The following HEXA variants were observed in gnomAD, a reference collection of about 807,000 sequenced individuals.
HEXA encodes the protein hexosaminidase subunit alpha, also known as beta-hexosaminidase subunit alpha.
Under a neutral mutation model 73.3 loss-of-function variants are expected in HEXA, and 54 were observed. The observed-to-expected ratio is 0.74, with a 90% CI of 0.59 to 0.92. The LOEUF is 0.92. Among genes scored for constraint, HEXA ranks in the 40% least tolerant of loss-of-function variants. The pLI, the probability that HEXA is intolerant of heterozygous loss-of-function variation, is 0.00. For synonymous variants in HEXA, 230 were observed against 246.9 expected (o/e 0.93, Z 0.64); for missense variants, 649 against 653.0 (o/e 0.99, Z 0.07).
rs371231231 is a variant in HEXA, at chr15:72,356,360, A to G, written c.346+165T>C. On this transcript the variant is annotated intron_variant, in intron 2 of 13. Coordinates refer to ENST00000268097, the MANE Select transcript of HEXA (RefSeq NM_000520.6). The stretch of plus-strand genomic sequence containing the variant: ...CCTTTAGCACTGGTTAAGTTTCTGC[A>G]TAGGAAAAACTCATCTTCCATGGCT... Among the ~76,000 whole-genome samples, 182 of 152,318 alleles carry G rather than the reference A, an allele frequency of 1.2e-3. 1 individual carries two copies. The Middle Eastern group carries it at 0.014, about 11-fold the overall frequency.
At chr15:72,350,729 A>T (rs2088684197) in intron 6 of HEXA, 79 bp from the exon 7 acceptor site, 1 of 1,551,616 alleles carries the variant, frequency 6.4e-7, no homozygotes, top group Admixed American at 1.7e-5. Context: ...TGCCCACAAG[A>T]CTCCCCAGAT....
intron 1 of HEXA, among the ~76,000 whole-genome samples, chr15:72,372,761 G>C (rs1462981645): frequency 6.6e-6 from 1 of 152,172 alleles, no homozygotes. Flanking sequence ...CTCAATACCA[G>C]ACTTCTTTTT....
At chr15:72,344,441 A>G (rs893161838) in intron 13 of HEXA, among the ~76,000 whole-genome samples, 3 of 152,026 alleles carry the variant, frequency 2.0e-5, no homozygotes, top group African/African-American at 7.2e-5. Context: ...ACCCCAAATA[A>G]CTCAATCCCT....
In HEXA at chr15:72,347,697, T is replaced by C. The variant is rs776119987; in HGVS notation, c.1135A>G (p.Asn379Asp). Residue 379 changes from asparagine to aspartate, a missense_variant, in exon 10 of 14, where the codon AAT becomes GAT. Transcript: ENST00000268097. ...CTGCCCCGGCTCACCTTTACTTTAT[T>C]ATCAAACACCTCCTGCCACACCACA... ...GYVVWQEVFDNKVKIQPDTII... is the reference protein window; with the variant it reads ...GYVVWQEVFDDKVKIQPDTII... 3.7e-6 allele frequency: 6 copies of C among 1,614,128 alleles called. No individual in the cohort carries two copies. In the East Asian group the frequency reaches 1.3e-4, roughly 36 times the overall value.
chr15:72,352,200 C>T (rs536774046), intron 5 of HEXA, among the ~76,000 whole-genome samples: 50 of 152,250 alleles, frequency 3.3e-4, no homozygotes, highest in Admixed American at 1.5e-3. Context: ...TCGGGCAATC[C>T]ACCCGCCTTG....
intron 1 of HEXA, among the ~76,000 whole-genome samples, chr15:72,373,984 G>C (rs1334915462): frequency 1.4e-5 from 2 of 146,926 alleles, no homozygotes; most frequent in Non-Finnish European, 3.0e-5. Context: ...AGTGTAGGCT[G>C]AGTGATAAAG....
At chr15:72,351,257 T>G in intron 5 of HEXA, 23 bp from the exon 6 acceptor site, 1 of 1,474,056 alleles carries the variant, frequency 6.8e-7, no homozygotes, top group Non-Finnish European at 9.5e-7. Context: ...GTGCACACTG[T>G]GAACCCATCA....
chr15:72,363,640 AC>A (rs976456187), intron 1 of HEXA, among the ~76,000 whole-genome samples: 1 of 151,966 alleles, frequency 6.6e-6, no homozygotes, highest in African/African-American at 2.4e-5. Context: ...AAGATTCTTC[AC>A]CCTCCACAGA....
intron 5 of HEXA, among the ~76,000 whole-genome samples, chr15:72,351,993 G>A (rs1030075768): frequency 1.3e-5 from 2 of 151,858 alleles, no homozygotes; most frequent in Admixed American, 6.6e-5. Context: ...CAGGGTCTCT[G>A]TTGTCCAGGC....
At chr15:72,348,263 A>G (rs564415785) in intron 8 of HEXA, 129 bp from the exon 9 acceptor site, 1 of 727,496 alleles carries the variant, frequency 1.4e-6, no homozygotes, top group South Asian at 1.5e-5. Flanking sequence ...GGATCTCAGA[A>G]GCCCTACATG....
At chr15:72,353,257 C>G (rs2088726743) in intron 4 of HEXA, 79 bp from the exon 5 acceptor site, 1 of 862,380 alleles carries the variant, frequency 1.2e-6, no homozygotes, top group South Asian at 1.4e-5. Context: ...GACAACTCTC[C>G]CAGGATTCTT....
intron 12 of HEXA, chr15:72,345,925 C>T (rs1423304789): frequency 1.3e-5 from 7 of 533,638 alleles, no homozygotes; most frequent in Admixed American, 6.3e-5. Flanking sequence ...AGCCTTATTA[C>T]AGGAATCATG....
At chr15:72,355,972 GA>G in intron 2 of HEXA, 2 of 474,734 alleles carry the variant, frequency 4.2e-6, no homozygotes, top group Non-Finnish European at 8.4e-6. Context: ...AGGGAACAGG[GA>G]TGCCTGCAGG....
Position 72,375,734 on chromosome 15 carries a change from C to A in HEXA, c.239G>T (p.Arg80Leu), listed in dbSNP as rs2089055220. ...DLLFGSGSWP[R>L]PYLTGKRHTL... ...GTCCGACTCACCTGTGAGGTAAGGA[C>A]GGGGCCAAGACCCGGAACCGAAAAG... The change falls in exon 1 of 14, where the codon CGT (arginine) becomes CTT (leucine). Residue 80 changes from arginine to leucine, a missense_variant. Arg to Leu is a moderately radical substitution (Grantham distance 102). Coordinates refer to ENST00000268097, the MANE Select transcript of HEXA (RefSeq NM_000520.6). 6.2e-7 allele frequency: 1 copy of A among 1,614,032 alleles called. No individual in the cohort carries two copies. The highest frequency in any genetic ancestry group is 1.7e-5 in the Admixed American group (1 of 60,012).
chr15:72,360,863 G>T (rs1037560656), intron 1 of HEXA, among the ~76,000 whole-genome samples: 6 of 152,188 alleles, frequency 3.9e-5, no homozygotes, highest in Admixed American at 1.3e-4. Context: ...GGGCTGCTGG[G>T]AAGGTTAAAT....
intron 11 of HEXA, 72 bp downstream of exon 11, chr15:72,346,455 G>A: frequency 1.9e-6 from 3 of 1,548,568 alleles, no homozygotes; most frequent in Non-Finnish European, 2.7e-6. Flanking sequence ...GTCTGGCCCA[G>A]ACCTTCCTGC....
At chr15:72,373,316 A>G (rs1290916176) in intron 1 of HEXA, among the ~76,000 whole-genome samples, 1 of 152,168 alleles carries the variant, frequency 6.6e-6, no homozygotes, top group African/African-American at 2.4e-5. Flanking sequence ...CTCTACCTCT[A>G]TTTGTTTCCC....
chr15:72,360,805 C>T (rs570986533), intron 1 of HEXA, among the ~76,000 whole-genome samples: 8 of 152,302 alleles, frequency 5.3e-5, no homozygotes, highest in African/African-American at 1.9e-4. Context: ...CCTCTCTAAG[C>T]TGCAGTTTCC....
chr15:72,355,259 C>T (rs564440957), intron 3 of HEXA: 12 of 415,708 alleles, frequency 2.9e-5, no homozygotes, highest in South Asian at 2.6e-4. Flanking sequence ...GGCGCGGTGG[C>T]ACACACCTGT....
Sources: gnomAD v4.1 joint callset for allele counts (sites outside exome capture counted in the v4.1 genomes callset) on GRCh38, gnomAD v4.1.1 for gene constraint, MANE v1.5 for transcripts, NCBI Gene and HGNC (gene_info 2026-07-23, HGNC 2026-07-21) for gene names.